BEND5: variants seen among roughly 807,000 people sequenced by gnomAD.
The protein encoded by BEND5 is BEN domain-containing protein 5.
In BEND5, 22 loss-of-function variants were observed where a neutral mutation model predicts 43.9. The observed-to-expected ratio is 0.50, with a 90% CI of 0.36 to 0.72. BEND5 has a LOEUF of 0.72. BEND5 is among the 30% of genes least tolerant of loss of function. BEND5 has a pLI of 0.00. For missense variants in BEND5, 428 were observed against 550.6 expected, an observed-to-expected ratio of 0.78 and a Z score of 2.23; for synonymous variants, 228 against 225.9, an observed-to-expected ratio of 1.01 and a Z score of -0.08.
chr1:48,759,093 C>A lies in BEND5; in HGVS notation c.552G>T (p.Glu184Asp). 1.2e-6 allele frequency: 2 copies of A among 1,612,408 alleles called. No individual in the cohort carries two copies. The highest frequency in any genetic ancestry group is 1.7e-6 in the Non-Finnish European group (2 of 1,179,120). ...GCTGCTGGTAGTTGCGCAGCAGCTC[C>A]TCATACAGAGCCCGGGGCACCACAG... ...EDAVVPRALY[E>D]ELLRNYQQQQ... is the part of the protein sequence containing the mutation. The change falls in exon 3 of 6, where the codon GAG becomes GAT. Residue 184 changes from glutamate (E) to aspartate (D), a missense_variant. Physicochemically the swap from Glu to Asp is conservative, Grantham distance 45 (BLOSUM62 2). Coordinates refer to ENST00000371833, the MANE Select transcript of BEND5 (RefSeq NM_024603.4).
intron 3 of BEND5, among the ~76,000 whole-genome samples, chr1:48,744,093 T>C (rs1171338921): frequency 6.6e-6 from 1 of 152,078 alleles, no homozygotes; most frequent in Non-Finnish European, 1.5e-5. Context: ...TGACCACAGG[T>C]GAGTAAATTA....
chr1:48,749,908 G>C (rs1324707313), intron 3 of BEND5, among the ~76,000 whole-genome samples: 1 of 152,202 alleles, frequency 6.6e-6, no homozygotes, highest in Non-Finnish European at 1.5e-5. Flanking sequence ...CAGTTGGCTG[G>C]GTTGGGGGGC....
chr1:48,728,169 G>T, intron 5 of BEND5, 126 bp from the exon 6 acceptor site: 1 of 820,524 alleles, frequency 1.2e-6, no homozygotes, highest in Non-Finnish European at 1.9e-6. Flanking sequence ...ATCTGGCATA[G>T]CTATATTTTA....
chr1:48,772,953 C>T lies in BEND5; in HGVS notation c.226+3653G>A, dbSNP rs527428172. Among the ~76,000 whole-genome samples the T allele has an allele frequency of 2.6e-4, 40 of 152,226 alleles. No individual in the cohort carries two copies. The South Asian group carries it at 3.7e-3, about 14-fold the overall frequency. On this transcript the variant is annotated intron_variant, in intron 1 of 5. Transcript: ENST00000371833. ...AATTACACACTCCCTGAGGATGATA[C>T]CCATTTCTTTTCCATCACTCCCTCC...
At chr1:48,729,538 A>C (rs921230606) in intron 5 of BEND5, among the ~76,000 whole-genome samples, 1 of 152,168 alleles carries the variant, frequency 6.6e-6, no homozygotes, top group Middle Eastern at 3.2e-3. Flanking sequence ...AGAGATGCAG[A>C]ATATCAACAC....
chr1:48,768,686 G>A (rs888687385), intron 1 of BEND5, among the ~76,000 whole-genome samples: 2 of 152,182 alleles, frequency 1.3e-5, no homozygotes, highest in Non-Finnish European at 2.9e-5. Context: ...ATAATCCAAT[G>A]TCAGAGAGCC....
Position 48,728,383 on chromosome 1 carries a change from TTC to T in BEND5, c.1109-342_1109-341del, listed in dbSNP as rs1193425320. Among the ~76,000 whole-genome samples, 8 of 152,130 alleles carry T rather than the reference TTC, an allele frequency of 5.3e-5. No homozygotes were observed. The East Asian group carries it at 1.3e-3, about 26-fold the overall frequency. ...CTCCTGAACTTTTGCCTTTTTTTTT[TTC>T]TTTTAGTGTTAACACATGTATGTAT... On this transcript the variant is annotated intron_variant, in intron 5 of 5. Coordinates refer to ENST00000371833, the MANE Select transcript of BEND5 (RefSeq NM_024603.4).
intron 3 of BEND5, among the ~76,000 whole-genome samples, chr1:48,750,713 A>AGG (rs1651583345): frequency 7.2e-5 from 11 of 152,238 alleles, no homozygotes; most frequent in Non-Finnish European, 1.3e-4. Context: ...AGAGCTATCC[A>AGG]ATAATGAGAT....
chr1:48,752,657 G>A (rs551437845), intron 3 of BEND5, among the ~76,000 whole-genome samples: 3 of 152,308 alleles, frequency 2.0e-5, no homozygotes, highest in South Asian at 2.1e-4. Flanking sequence ...ATTTTCTCAT[G>A]CACATCTTCA....
intron 4 of BEND5, among the ~76,000 whole-genome samples, chr1:48,741,972 G>A (rs1649983046): frequency 6.6e-6 from 1 of 152,168 alleles, no homozygotes; most frequent in African/African-American, 2.4e-5. Flanking sequence ...GTGACTTTAA[G>A]ATTTTTCACG....
In BEND5 at chr1:48,744,642, G is replaced by A. The variant is rs941877274; in HGVS notation, c.746-1871C>T. On this transcript the variant is annotated intron_variant, in intron 3 of 5. Coordinates refer to ENST00000371833, the MANE Select transcript of BEND5 (RefSeq NM_024603.4). The stretch of plus-strand genomic sequence containing the variant: ...ACAACAGAATGAATCCAGTACAGCC[G>A]TAACTTCAGTTGATTCTCTCCCATC... Among the ~76,000 whole-genome samples, 4 of 152,262 alleles carry A rather than the reference G, an allele frequency of 2.6e-5. 1 individual carries two copies. Among genetic ancestry groups the A allele is most frequent in the Middle Eastern group, 6.8e-3 (2 of 294 alleles).
chr1:48,750,091 T>C lies in BEND5; in HGVS notation c.746-7320A>G, dbSNP rs1483990740. Among the ~76,000 whole-genome samples the C allele has an allele frequency of 2.0e-5, 3 of 152,188 alleles. No individual in the cohort carries two copies. In the East Asian group the frequency reaches 5.8e-4, roughly 29 times the overall value. The stretch of plus-strand genomic sequence containing the variant: ...ATCAATCCATGACCCTGACCTCTGC[T>C]GATACTCCCTTCAGGCCATGAGCCC... On this transcript the variant is annotated intron_variant, in intron 3 of 5. Coordinates refer to ENST00000371833, the MANE Select transcript of BEND5 (RefSeq NM_024603.4).
At chr1:48,750,380 C>T (rs1651497341) in intron 3 of BEND5, among the ~76,000 whole-genome samples, 1 of 152,170 alleles carries the variant, frequency 6.6e-6, no homozygotes, top group African/African-American at 2.4e-5. Context: ...TTGAATAAGC[C>T]AGCCTCTCTT....
chr1:48,776,557 TCCCA>T, intron 1 of BEND5, 45 bp downstream of exon 1: 1 of 1,068,318 alleles, frequency 9.4e-7, no homozygotes, highest in Non-Finnish European at 1.2e-6. Context: ...CCTCCCGGGG[TCCCA>T]GCCCCCGCCC....
chr1:48,761,184 A>T, intron 2 of BEND5, 153 bp downstream of exon 2: 1 of 826,974 alleles, frequency 1.2e-6, no homozygotes, highest in Non-Finnish European at 1.8e-6. Context: ...AATACACACG[A>T]GTTGTCCCAC....
chr1:48,769,841 C>T (rs1438292076), intron 1 of BEND5, among the ~76,000 whole-genome samples: 1 of 152,198 alleles, frequency 6.6e-6, no homozygotes, highest in East Asian at 1.9e-4. Flanking sequence ...GAAGTAATCT[C>T]CCCAAAGCCA....
intron 3 of BEND5, among the ~76,000 whole-genome samples, chr1:48,757,074 G>A (rs1643973257): frequency 6.6e-6 from 1 of 152,158 alleles, no homozygotes; most frequent in Non-Finnish European, 1.5e-5. Flanking sequence ...AGAGGCTTAG[G>A]AGTGGTTTCT....
At chr1:48,740,963 C>G (rs1368432348) in intron 4 of BEND5, among the ~76,000 whole-genome samples, 1 of 152,166 alleles carries the variant, frequency 6.6e-6, no homozygotes, top group Non-Finnish European at 1.5e-5. Flanking sequence ...AATGAAAAAA[C>G]AAAATAGGCA....
chr1:48,760,764 T>G (rs933016389), intron 2 of BEND5, among the ~76,000 whole-genome samples: 1 of 152,174 alleles, frequency 6.6e-6, no homozygotes, highest in Non-Finnish European at 1.5e-5. Flanking sequence ...CTCTCAGGTA[T>G]CTACTGCACA....
Sources: gnomAD v4.1 joint callset for allele counts (sites outside exome capture counted in the v4.1 genomes callset) on GRCh38, gnomAD v4.1.1 for gene constraint, MANE v1.5 for transcripts, NCBI Gene and HGNC (gene_info 2026-07-23, HGNC 2026-07-21) for gene names.